The following SEC24A variants were observed in gnomAD, a reference collection of about 807,000 sequenced individuals.
SEC24A encodes the protein SEC24 homolog A, COPII component.
In SEC24A, 93 loss-of-function variants were observed where a neutral mutation model predicts 129.4. That is an observed-to-expected ratio of 0.72 (90% CI 0.61 to 0.85). The LOEUF (loss-of-function observed/expected upper bound fraction) is 0.85. Among genes scored for constraint, SEC24A ranks in the 40% least tolerant of loss-of-function variants. The probability of loss-of-function intolerance (pLI) is 0.00; values close to 1 mark genes in which losing one functional copy is unlikely to be tolerated. For missense variants in SEC24A, 1,264 were observed against 1,307.4 expected (o/e 0.97, Z 0.51); for synonymous variants, 460 against 467.3 (o/e 0.98, Z 0.20).
intron 11 of SEC24A, among the ~76,000 whole-genome samples, chr5:134,689,505 G>A (rs939150229): frequency 1.3e-5 from 2 of 152,224 alleles, no homozygotes; most frequent in Non-Finnish European, 2.9e-5. Context: ...GCTCACGCCT[G>A]TAATCCCAGC....
intron 3 of SEC24A, among the ~76,000 whole-genome samples, chr5:134,670,391 G>A (rs1750815570): frequency 6.6e-6 from 1 of 152,168 alleles, no homozygotes; most frequent in South Asian, 2.1e-4. Context: ...TCTACTTCGT[G>A]TTAATACAGC....
At chr5:134,723,795 A>T in intron 22 of SEC24A, 125 bp downstream of exon 22, 1 of 616,184 alleles carries the variant, frequency 1.6e-6, no homozygotes. Context: ...GCAGTAAATC[A>T]TACCTTATAT....
At chr5:134,656,526 G>C (rs2150068628) in intron 1 of SEC24A, among the ~76,000 whole-genome samples, 1 of 152,242 alleles carries the variant, frequency 6.6e-6, no homozygotes, top group East Asian at 1.9e-4. Context: ...CTGTCAACCA[G>C]GCTGGAGTGC....
chr5:134,697,777 T>A lies in SEC24A; in HGVS notation c.2108-122T>A, dbSNP rs1580723607. On this transcript the variant is annotated intron_variant, in intron 14 of 22. Coordinates refer to ENST00000398844, the MANE Select transcript of SEC24A (RefSeq NM_021982.3). ...TGTCTCAAAAAAAGGGAATAAAATC[T>A]CCTTTCTGACAGTAGTTTACCTTGG... 2.9e-6 allele frequency: 3 copies of A among 1,038,944 alleles called. No individual in the cohort carries two copies. In the East Asian group the frequency reaches 7.4e-5, roughly 26 times the overall value. The allele number at this position is 1,038,944 out of a possible 1,614,324, so 64.4% of individuals were successfully genotyped here. A position where few individuals can be genotyped will look rare whatever the true frequency, so the allele number is the denominator to read the frequency against.
At position 134,652,665 on chromosome 5, in the gene SEC24A, G is replaced by A. The variant is rs186435953; in HGVS notation, c.97+3492G>A. ...TGCAGTGGTGCGATCTCAGCTCACT[G>A]CAACCTCCACCTCCCAGGTTCAAGC... On this transcript the variant is annotated intron_variant, in intron 1 of 22. Transcript: ENST00000398844. 1.3e-4 allele frequency among the ~76,000 whole-genome samples: 20 copies of A among 152,298 alleles called. No homozygotes were observed. In the East Asian group the frequency reaches 3.5e-3, roughly 26 times the overall value.
chr5:134,719,757 G>A (rs891058261), intron 20 of SEC24A, among the ~76,000 whole-genome samples: 3 of 151,998 alleles, frequency 2.0e-5, no homozygotes, highest in Non-Finnish European at 2.9e-5. Flanking sequence ...ATGCCAAGGC[G>A]GGCGGATCAC....
chr5:134,718,610 G>A (rs994227073), intron 20 of SEC24A, among the ~76,000 whole-genome samples: 2 of 152,096 alleles, frequency 1.3e-5, no homozygotes, highest in Non-Finnish European at 2.9e-5. Flanking sequence ...ACGCTGTATA[G>A]GCCTGGGCTA....
At chr5:134,651,492 A>G (rs1580670357) in intron 1 of SEC24A, among the ~76,000 whole-genome samples, 1 of 151,114 alleles carries the variant, frequency 6.6e-6, no homozygotes, top group East Asian at 2.0e-4. Context: ...ATGGGGTTTC[A>G]CCATGTTGGC....
intron 18 of SEC24A, among the ~76,000 whole-genome samples, chr5:134,713,367 C>T (rs1752386776): frequency 1.3e-5 from 2 of 152,134 alleles, no homozygotes; most frequent in East Asian, 3.8e-4. Flanking sequence ...CACCCCATCC[C>T]TCACCATCCT....
chr5:134,687,846 T>TA (rs1751502281), intron 10 of SEC24A, among the ~76,000 whole-genome samples: 1 of 152,252 alleles, frequency 6.6e-6, no homozygotes, highest in Non-Finnish European at 1.5e-5. Context: ...GCATGCTTTA[T>TA]AACTTAAAAT....
chr5:134,654,626 C>T (rs1199949156), intron 1 of SEC24A, among the ~76,000 whole-genome samples: 1 of 150,298 alleles, frequency 6.7e-6, no homozygotes, highest in East Asian at 2.0e-4. Context: ...CATGTATTAA[C>T]GCTAAAGGCA....
chr5:134,690,053 T>G (rs1382232015), intron 11 of SEC24A, among the ~76,000 whole-genome samples: 1 of 152,192 alleles, frequency 6.6e-6, no homozygotes, highest in Non-Finnish European at 1.5e-5. Context: ...AGTTTCACTT[T>G]TGTTGCCCAA....
intron 9 of SEC24A, among the ~76,000 whole-genome samples, chr5:134,685,474 G>A (rs1220137967): frequency 6.6e-6 from 1 of 152,026 alleles, no homozygotes; most frequent in Non-Finnish European, 1.5e-5. Context: ...ATGATTTAAA[G>A]TATACAAAAG....
intron 4 of SEC24A, among the ~76,000 whole-genome samples, chr5:134,673,420 A>G (rs966025018): frequency 1.3e-5 from 2 of 152,120 alleles, no homozygotes; most frequent in African/African-American, 2.4e-5. Flanking sequence ...AGTACATGAT[A>G]TGAAAGTAAA....
intron 18 of SEC24A, among the ~76,000 whole-genome samples, chr5:134,711,210 C>A (rs1395350417): frequency 6.6e-6 from 1 of 152,182 alleles, no homozygotes; most frequent in East Asian, 1.9e-4. Context: ...ACACCTATAA[C>A]CCAATACTTT....
At chr5:134,658,927 T>C (rs1750343320) in intron 1 of SEC24A, among the ~76,000 whole-genome samples, 1 of 152,144 alleles carries the variant, frequency 6.6e-6, no homozygotes, top group African/African-American at 2.4e-5. Context: ...TTGAGTTCTT[T>C]TGGAAGGCTC....
intron 1 of SEC24A, among the ~76,000 whole-genome samples, chr5:134,650,596 G>A (rs1408428510): frequency 6.6e-6 from 1 of 150,734 alleles, no homozygotes; most frequent in Non-Finnish European, 1.5e-5. Context: ...GTGCAGTGGT[G>A]GTGATCTTGG....
rs77591692 is a variant in SEC24A at position 134,722,506 on chromosome 5, C to T, written c.3064-1061C>T. 9.9e-3 allele frequency among the ~76,000 whole-genome samples: 1,512 copies of T among 152,156 alleles called. 21 individuals are homozygous for T. The highest frequency in any genetic ancestry group is 0.035 in the African/African-American group (1,459 of 41,514). ...GCAGGAGAATCTCTGGCAGGCGAAT[C>T]GCTTGAATCTGGGAGGCAGAGGTTG... On this transcript the variant is annotated intron_variant, in intron 21 of 22. Transcript: ENST00000398844.
chr5:134,694,727 G>A (rs1751765712), intron 13 of SEC24A, among the ~76,000 whole-genome samples: 1 of 151,392 alleles, frequency 6.6e-6, no homozygotes, highest in African/African-American at 2.4e-5. Context: ...GCTGAGGCAG[G>A]AGAATTGCTT....
Sources: gnomAD v4.1 joint callset for allele counts (sites outside exome capture counted in the v4.1 genomes callset) on GRCh38, gnomAD v4.1.1 for gene constraint, MANE v1.5 for transcripts, NCBI Gene and HGNC (gene_info 2026-07-23, HGNC 2026-07-21) for gene names.